Variants in GALNT13 observed in about 807,000 individuals in gnomAD.
GALNT13 encodes the protein UDP-GalNAc:polypeptide N-acetylgalactosaminyltransferase 13.
GALNT13 carries 28 observed loss-of-function variants against 64.2 expected under a neutral mutation model. That is an observed-to-expected ratio of 0.44 (90% CI 0.32 to 0.60). The LOEUF (loss-of-function observed/expected upper bound fraction) is 0.60. Ranked by LOEUF, GALNT13 falls within the 20% of genes least tolerant of loss-of-function variation. GALNT13 has a pLI of 0.05. For synonymous variants in GALNT13, 214 were observed against 224.6 expected (o/e 0.95, Z 0.42); for missense variants, 577 against 669.8 (o/e 0.86, Z 1.53).
chr2:153,947,378 C>T (rs952887876), intron 3 of GALNT13, among the ~76,000 whole-genome samples: 1 of 150,740 alleles, frequency 6.6e-6, no homozygotes, highest in African/African-American at 2.4e-5. Flanking sequence ...ATTTTTTGCT[C>T]AACAACTGAC....
the GALNT13 span, among the ~76,000 whole-genome samples, chr2:153,647,786 T>C: frequency 6.6e-6 from 1 of 152,100 alleles, no homozygotes; most frequent in Non-Finnish European, 1.5e-5. Flanking sequence ...AGATGTGTGT[T>C]ATTATTTCTG....
chr2:153,706,699 T>C, the GALNT13 span, among the ~76,000 whole-genome samples: 5 of 152,182 alleles, frequency 3.3e-5, no homozygotes, highest in African/African-American at 1.2e-4. Flanking sequence ...GTCTTCCCTA[T>C]TATTTTTACT....
the GALNT13 span, among the ~76,000 whole-genome samples, chr2:153,750,794 T>A: frequency 6.6e-6 from 1 of 151,894 alleles, no homozygotes; most frequent in Admixed American, 6.6e-5. Context: ...TTTTTGTTGT[T>A]TTTTATTTCA....
the GALNT13 span, among the ~76,000 whole-genome samples, chr2:153,165,629 T>C: frequency 1.3e-5 from 2 of 152,198 alleles, no homozygotes; most frequent in African/African-American, 4.8e-5. Flanking sequence ...ACACTAATTG[T>C]GGAAACCAGG....
the GALNT13 span, among the ~76,000 whole-genome samples, chr2:153,730,939 G>A: frequency 6.6e-6 from 1 of 151,846 alleles, no homozygotes; most frequent in Non-Finnish European, 1.5e-5. Flanking sequence ...TACACTGTTG[G>A]TGAGAATGTA....
intron 3 of GALNT13, among the ~76,000 whole-genome samples, chr2:154,091,516 TGA>T (rs928338250): frequency 6.6e-5 from 10 of 151,174 alleles, no homozygotes; most frequent in Admixed American, 2.6e-4. Flanking sequence ...ATTAAAAGGA[TGA>T]GTTATTACCT....
At chr2:153,379,888 T>C in the GALNT13 span, among the ~76,000 whole-genome samples, 4 of 152,152 alleles carry the variant, frequency 2.6e-5, no homozygotes, top group African/African-American at 9.7e-5. Context: ...GGGATAGATA[T>C]ATCCATAAAG....
At chr2:153,343,077 G>T in the GALNT13 span, among the ~76,000 whole-genome samples, 1 of 152,124 alleles carries the variant, frequency 6.6e-6, no homozygotes, top group Admixed American at 6.6e-5. Flanking sequence ...AATGTGTAAC[G>T]TTTGTCACTA....
intron 2 of GALNT13, among the ~76,000 whole-genome samples, chr2:153,933,196 T>C (rs188352137): frequency 6.6e-6 from 1 of 152,278 alleles, no homozygotes; most frequent in Admixed American, 6.5e-5. Context: ...GCCTCAATGA[T>C]CTGTCTAATA....
At position 154,227,056 on chromosome 2, in the gene GALNT13, G is replaced by T. The variant is rs1333504624; in HGVS notation, c.312-14974G>T. Among the ~76,000 whole-genome samples the T allele has an allele frequency of 2.0e-5, 3 of 152,166 alleles. No homozygotes were observed. In the East Asian group the frequency reaches 5.8e-4, roughly 30 times the overall value. Reference sequence around the variant, plus strand: ...GACTTTCTGCTCCACTTCATCTAAAGATGCAACTGTTCCTCTGGCAACAGA... The same window carrying T: ...GACTTTCTGCTCCACTTCATCTAAATATGCAACTGTTCCTCTGGCAACAGA... On this transcript the variant is annotated intron_variant, in intron 4 of 12. Transcript: ENST00000392825.
chr2:153,475,281 C>T, the GALNT13 span, among the ~76,000 whole-genome samples: 3 of 152,170 alleles, frequency 2.0e-5, no homozygotes, highest in African/African-American at 7.2e-5. Context: ...GGGCTATGTG[C>T]ATTGCAGACT....
chr2:153,265,810 T>C, the GALNT13 span, among the ~76,000 whole-genome samples: 3 of 152,202 alleles, frequency 2.0e-5, no homozygotes, highest in African/African-American at 7.2e-5. Flanking sequence ...CTGATGAAGA[T>C]GCTATGAGTA....
the GALNT13 span, among the ~76,000 whole-genome samples, chr2:153,292,077 C>T: frequency 3.3e-5 from 5 of 152,182 alleles, no homozygotes; most frequent in African/African-American, 1.2e-4. Flanking sequence ...GGTTACACTT[C>T]TATCCATGTT....
chr2:153,989,450 G>T (rs1256702403), intron 3 of GALNT13, among the ~76,000 whole-genome samples: 1 of 151,942 alleles, frequency 6.6e-6, no homozygotes, highest in Non-Finnish European at 1.5e-5. Flanking sequence ...TAAATACGTT[G>T]ATAAAAGCCA....
chr2:154,216,802 C>T (rs1447818109), intron 4 of GALNT13, among the ~76,000 whole-genome samples: 1 of 71,310 alleles, frequency 1.4e-5, no homozygotes, highest in Admixed American at 1.8e-4. Context: ...TTCTCTCTCT[C>T]TTTTTTTTTT....
At chr2:153,723,464 C>A in the GALNT13 span, among the ~76,000 whole-genome samples, 2 of 147,754 alleles carry the variant, frequency 1.4e-5, no homozygotes, top group Non-Finnish European at 3.0e-5. Context: ...GGAAATCAGG[C>A]AGGAGAAGGA....
At chr2:154,295,204 T>C (rs980914366) in intron 8 of GALNT13, among the ~76,000 whole-genome samples, 1 of 152,174 alleles carries the variant, frequency 6.6e-6, no homozygotes, top group Non-Finnish European at 1.5e-5. Flanking sequence ...AGTCTGAATT[T>C]AGTGGAGTAC....
At chr2:153,814,435 G>A in the GALNT13 span, among the ~76,000 whole-genome samples, 5 of 150,530 alleles carry the variant, frequency 3.3e-5, no homozygotes, top group South Asian at 6.2e-4. Flanking sequence ...GCGAGACTCC[G>A]TCTCAATAAA....
chr2:153,293,310 G>T, the GALNT13 span, among the ~76,000 whole-genome samples: 1 of 152,100 alleles, frequency 6.6e-6, no homozygotes, highest in African/African-American at 2.4e-5. Flanking sequence ...AGCCCACCTG[G>T]ATTGGCTCAA....
Sources: gnomAD v4.1 joint callset for allele counts (sites outside exome capture counted in the v4.1 genomes callset) on GRCh38, gnomAD v4.1.1 for gene constraint, MANE v1.5 for transcripts, NCBI Gene and HGNC (gene_info 2026-07-23, HGNC 2026-07-21) for gene names.